MNAT1: variants seen among roughly 807,000 people sequenced by gnomAD.
MNAT1 encodes MNAT1 component of CDK activating kinase.
A neutral mutation model predicts 42.0 loss-of-function variants in MNAT1; 43 were observed. That is an observed-to-expected ratio of 1.02 (90% CI 0.80 to 1.32). MNAT1 has a LOEUF of 1.32. MNAT1 is among the 40% of genes most tolerant of loss of function. MNAT1 has a pLI of 0.00. For missense variants in MNAT1, 306 were observed against 350.4 expected, an observed-to-expected ratio of 0.87 and a Z score of 1.01; for synonymous variants, 118 against 120.0, an observed-to-expected ratio of 0.98 and a Z score of 0.11.
At chr14:60,911,334 C>T (rs1399290964) in intron 7 of MNAT1, among the ~76,000 whole-genome samples, 1 of 152,190 alleles carries the variant, frequency 6.6e-6, no homozygotes, top group African/African-American at 2.4e-5. Flanking sequence ...GTCAGTTCTG[C>T]TCTGACTTAG....
intron 6 of MNAT1, among the ~76,000 whole-genome samples, chr14:60,877,402 A>G (rs187006700): frequency 1.9e-4 from 29 of 152,190 alleles, no homozygotes; most frequent in African/African-American, 6.5e-4. Flanking sequence ...TCCAGATGCA[A>G]GGATCTTCGA....
chr14:60,921,074 G>A (rs552491725), intron 7 of MNAT1, among the ~76,000 whole-genome samples: 1 of 152,146 alleles, frequency 6.6e-6, no homozygotes, highest in East Asian at 1.9e-4. Context: ...CTTCTACCAT[G>A]AATTTTCTAG....
intron 7 of MNAT1, among the ~76,000 whole-genome samples, chr14:60,883,728 G>C (rs2034600267): frequency 6.6e-6 from 1 of 151,932 alleles, no homozygotes; most frequent in Non-Finnish European, 1.5e-5. Flanking sequence ...TATCTTTTGT[G>C]TGTGTGTGTC....
intron 7 of MNAT1, among the ~76,000 whole-genome samples, chr14:60,934,485 G>T (rs1218976982): frequency 6.6e-6 from 1 of 152,074 alleles, no homozygotes; most frequent in African/African-American, 2.4e-5. Context: ...TTGAATCAAG[G>T]GGGCGGGTCT....
chr14:60,855,109 A>G (rs528630069), intron 6 of MNAT1, among the ~76,000 whole-genome samples: 85 of 152,234 alleles, frequency 5.6e-4, no homozygotes, highest in African/African-American at 1.9e-3. Context: ...TCTCCTTAAC[A>G]CTGTCAGGGA....
chr14:60,962,684 C>T (rs1039199082), intron 7 of MNAT1, among the ~76,000 whole-genome samples: 10 of 152,050 alleles, frequency 6.6e-5, no homozygotes, highest in Non-Finnish European at 1.0e-4. Flanking sequence ...AAGTCTTCTC[C>T]GAGCAATCTA....
chr14:60,873,691 A>C (rs1225219435), intron 6 of MNAT1, among the ~76,000 whole-genome samples: 1 of 149,698 alleles, frequency 6.7e-6, no homozygotes, highest in Admixed American at 6.7e-5. Flanking sequence ...GGCTGGTCTC[A>C]AGCACCTGGG....
chr14:60,801,946 A>T (rs916869777), intron 3 of MNAT1, among the ~76,000 whole-genome samples: 1 of 152,364 alleles, frequency 6.6e-6, no homozygotes, highest in African/African-American at 2.4e-5. Context: ...CAGCCTTAAA[A>T]AAGAAGGTAA....
intron 7 of MNAT1, among the ~76,000 whole-genome samples, chr14:60,913,897 T>G (rs113845268): frequency 6.6e-5 from 10 of 152,334 alleles, no homozygotes; most frequent in African/African-American, 2.4e-4. Flanking sequence ...ATTGCTCTTT[T>G]GTTTGTCTGT....
chr14:60,963,117 G>A (rs2036625740), intron 7 of MNAT1, among the ~76,000 whole-genome samples: 1 of 152,148 alleles, frequency 6.6e-6, no homozygotes. Flanking sequence ...GAGTAGCTGG[G>A]ATTACAGGTG....
chr14:60,924,448 G>C (rs569386333), intron 7 of MNAT1, among the ~76,000 whole-genome samples: 1 of 150,282 alleles, frequency 6.7e-6, no homozygotes, highest in Admixed American at 6.6e-5. Context: ...TATAGATTAA[G>C]GTGGGGAAGC....
At chr14:60,935,193 A>G (rs1430761640) in intron 7 of MNAT1, among the ~76,000 whole-genome samples, 1 of 152,050 alleles carries the variant, frequency 6.6e-6, no homozygotes, top group East Asian at 1.9e-4. Context: ...AAAACTCTTG[A>G]AGAGGACCAT....
chr14:60,918,068 C>T (rs886534972), intron 7 of MNAT1, among the ~76,000 whole-genome samples: 19 of 151,822 alleles, frequency 1.3e-4, no homozygotes, highest in Non-Finnish European at 2.1e-4. Flanking sequence ...AATTTAAAAC[C>T]TTTGAAAACT....
At position 60,754,973 on chromosome 14, in the gene MNAT1, G is replaced by A. The variant is rs116399319; in HGVS notation, c.89+20022G>A. 7.6e-3 allele frequency among the ~76,000 whole-genome samples: 1,160 copies of A among 152,170 alleles called. 9 individuals carry two copies. The highest frequency in any genetic ancestry group is 0.027 in the African/African-American group (1,101 of 41,512). On this transcript the variant is annotated intron_variant, in intron 1 of 7. Transcript: ENST00000261245. ...TTCTGTAAGTAAGAAATACAGTGGA[G>A]TTGAATCTTATGTGGAATTTGTATA...
intron 6 of MNAT1, among the ~76,000 whole-genome samples, chr14:60,864,571 C>G (rs940428690): frequency 6.6e-6 from 1 of 151,922 alleles, no homozygotes; most frequent in East Asian, 1.9e-4. Context: ...GTGCTTGGCA[C>G]ATAGTAGATG....
At chr14:60,927,306 C>T (rs1282987923) in intron 7 of MNAT1, among the ~76,000 whole-genome samples, 2 of 152,148 alleles carry the variant, frequency 1.3e-5, no homozygotes, top group Non-Finnish European at 2.9e-5. Flanking sequence ...TACCCAATTT[C>T]GTTAATTTTA....
chr14:60,820,126 C>T (rs1464629037), intron 6 of MNAT1, among the ~76,000 whole-genome samples: 1 of 151,784 alleles, frequency 6.6e-6, no homozygotes, highest in Non-Finnish European at 1.5e-5. Context: ...TAATGACATG[C>T]AATATTGAAG....
intron 7 of MNAT1, among the ~76,000 whole-genome samples, chr14:60,958,949 T>A (rs1340329832): frequency 6.6e-6 from 1 of 152,134 alleles, no homozygotes; most frequent in Non-Finnish European, 1.5e-5. Flanking sequence ...GACAAGGTCT[T>A]ACTCTGTTAC....
rs138674778 is a variant in MNAT1 at position 60,856,365 on chromosome 14, T to C, written c.688-23349T>C. On this transcript the variant is annotated intron_variant, in intron 6 of 7. Coordinates refer to ENST00000261245, the MANE Select transcript of MNAT1 (RefSeq NM_002431.4). ...AGTCAAAGTCTAATCCAGGTTGTAA[T>C]CCCTAACTCTCTTCAGTCCTATGAA... is the stretch of plus-strand genomic sequence containing the variant. Among the ~76,000 whole-genome samples, 292 of 152,114 alleles carry C rather than the reference T, an allele frequency of 1.9e-3. 1 individual carries two copies. The highest frequency in any genetic ancestry group is 6.4e-3 in the African/African-American group (267 of 41,410).
Sources: gnomAD v4.1 joint callset for allele counts (sites outside exome capture counted in the v4.1 genomes callset) on GRCh38, gnomAD v4.1.1 for gene constraint, MANE v1.5 for transcripts, NCBI Gene and HGNC (gene_info 2026-07-23, HGNC 2026-07-21) for gene names.